CFAP47: variants seen among roughly 807,000 people sequenced by gnomAD.
CFAP47 encodes cilia- and flagella-associated protein 47.
CFAP47 carries 29 observed loss-of-function variants against 148.1 expected under a neutral mutation model. That is an observed-to-expected ratio of 0.20 (90% CI 0.15 to 0.27). The LOEUF (loss-of-function observed/expected upper bound fraction) is 0.27. Among genes scored for constraint, CFAP47 ranks in the 10% least tolerant of loss-of-function variants. The pLI, the probability that CFAP47 is intolerant of heterozygous loss-of-function variation, is 1.00. For missense variants in CFAP47, 1,872 were observed against 1,697.5 expected (o/e 1.10, Z -1.81); for synonymous variants, 664 against 577.3 (o/e 1.15, Z -2.15).
chrX:36,154,193 T>G (rs9942990), intron 37 of CFAP47, among the ~76,000 whole-genome samples: 4,097 of 112,233 alleles, frequency 0.037, 111 homozygotes, highest in African/African-American at 0.087. Flanking sequence ...ATTCTGTTTT[T>G]AAATCATTTC....
chrX:36,124,885 T>C (rs1377912155), intron 33 of CFAP47, among the ~76,000 whole-genome samples: 1 of 111,239 alleles, frequency 9.0e-6, no homozygotes. Flanking sequence ...TATTTTAAAA[T>C]TTTAGGAATA....
intron 62 of CFAP47, chrX:36,374,721 T>C: frequency 2.4e-6 from 1 of 413,315 alleles, no homozygotes; most frequent in Non-Finnish European, 4.1e-6. Context: ...TTTTGTTGTG[T>C]TTTCATTTCC....
At chrX:36,186,396 TA>T (rs1939807044) in intron 40 of CFAP47, among the ~76,000 whole-genome samples, 1 of 111,757 alleles carries the variant, frequency 8.9e-6, no homozygotes, top group South Asian at 3.8e-4. Context: ...ATTTCATTTT[TA>T]CTTGCCTCTA....
At chrX:36,118,623 G>A (rs1353776925) in intron 33 of CFAP47, among the ~76,000 whole-genome samples, 4 of 109,929 alleles carry the variant, frequency 3.6e-5, no homozygotes, top group African/African-American at 6.6e-5. Flanking sequence ...GCAGGCACCC[G>A]CCACCATGCC....
At chrX:35,987,294 A>G (rs1936729586) in intron 15 of CFAP47, among the ~76,000 whole-genome samples, 1 of 111,759 alleles carries the variant, frequency 8.9e-6, no homozygotes, top group African/African-American at 3.3e-5. Context: ...CATTTCCTTC[A>G]GAGATGCTCG....
At chrX:36,035,664 A>G (rs1191779333) in intron 23 of CFAP47, 31 bp from the exon 24 acceptor site, 6 of 291,594 alleles carry the variant, frequency 2.1e-5, no homozygotes, top group African/African-American at 1.7e-4. Context: ...ATAATTTTAA[A>G]CTTTTTTTGT....
intron 21 of CFAP47, among the ~76,000 whole-genome samples, chrX:36,013,239 C>CT (rs1346679714): frequency 1.8e-5 from 2 of 111,102 alleles, no homozygotes; most frequent in Non-Finnish European, 3.8e-5. Context: ...ACCACATATT[C>CT]TTTTTTTGAA....
chrX:36,275,043 A>C (rs1940999539), intron 49 of CFAP47, among the ~76,000 whole-genome samples: 1 of 111,482 alleles, frequency 9.0e-6, no homozygotes, highest in South Asian at 3.7e-4. Flanking sequence ...TTTTAATCAT[A>C]AAAGGGTGTT....
intron 49 of CFAP47, among the ~76,000 whole-genome samples, chrX:36,257,041 G>T (rs990013268): frequency 1.8e-5 from 2 of 112,379 alleles, no homozygotes; most frequent in Admixed American, 9.4e-5. Context: ...GTTAACTAGT[G>T]CAGTTGATTT....
At chrX:36,374,746 AT>A (rs782319780) in intron 62 of CFAP47, 635 of 470,687 alleles carry the variant, frequency 1.3e-3, no homozygotes, top group Admixed American at 3.4e-3. Flanking sequence ...GTCTCAATAT[AT>A]TTTTTTTTCC....
At chrX:35,935,646 C>T (rs1258327350) in intron 2 of CFAP47, among the ~76,000 whole-genome samples, 1 of 107,729 alleles carries the variant, frequency 9.3e-6, no homozygotes, top group African/African-American at 3.4e-5. Flanking sequence ...AGCCTTCTTC[C>T]TCTGCCCACT....
chrX:35,924,560 C>T (rs747125389), intron 1 of CFAP47, among the ~76,000 whole-genome samples: 7 of 103,710 alleles, frequency 6.7e-5, no homozygotes, highest in East Asian at 3.1e-4. Flanking sequence ...TGTATATATG[C>T]GCATATATGT....
In CFAP47 at chrX:35,959,116, G is replaced by C. The variant is rs1376530454; in HGVS notation, c.1410+2920G>C. Reference sequence around the variant, plus strand: ...GATTTTCATCCTGTGTTAGGCTTCTGACAAGTGTAAGATAAGAAATTGAGT... The same window carrying C: ...GATTTTCATCCTGTGTTAGGCTTCTCACAAGTGTAAGATAAGAAATTGAGT... On this transcript the variant is annotated intron_variant, in intron 8 of 63. Coordinates refer to ENST00000378653, the MANE Select transcript of CFAP47 (RefSeq NM_001304548.2). Among the ~76,000 whole-genome samples the C allele has an allele frequency of 6.2e-5, 7 of 112,382 alleles. No homozygotes were observed. The East Asian group carries it at 2.0e-3, about 32-fold the overall frequency.
At chrX:36,084,545 C>T (rs988216643) in intron 29 of CFAP47, among the ~76,000 whole-genome samples, 1 of 111,464 alleles carries the variant, frequency 9.0e-6, no homozygotes, top group Admixed American at 9.6e-5. Context: ...AAAATGGCCT[C>T]GGGTACTTAT....
intron 46 of CFAP47, among the ~76,000 whole-genome samples, chrX:36,233,499 T>C (rs1940401942): frequency 9.0e-6 from 1 of 111,517 alleles, no homozygotes; most frequent in Middle Eastern, 4.6e-3. Flanking sequence ...ATTTTGAGCC[T>C]ATGTGTGTCT....
intron 42 of CFAP47, among the ~76,000 whole-genome samples, chrX:36,197,216 T>C (rs782524398): frequency 2.7e-5 from 3 of 112,106 alleles, no homozygotes; most frequent in Non-Finnish European, 3.8e-5. Flanking sequence ...TCCTAGTTAA[T>C]AATATTTTAA....
intron 44 of CFAP47, among the ~76,000 whole-genome samples, chrX:36,204,016 T>A (rs1425146441): frequency 8.9e-6 from 1 of 111,966 alleles, no homozygotes; most frequent in Non-Finnish European, 1.9e-5. Context: ...GATGAGCATT[T>A]TTTCATGTGT....
At chrX:36,220,364 A>G (rs1048707495) in intron 45 of CFAP47, among the ~76,000 whole-genome samples, 37 of 111,151 alleles carry the variant, frequency 3.3e-4, no homozygotes, top group African/African-American at 1.1e-3. Context: ...CATTTCAGAT[A>G]AGGAATACTC....
At chrX:36,118,098 A>G (rs1938672805) in intron 33 of CFAP47, among the ~76,000 whole-genome samples, 1 of 111,657 alleles carries the variant, frequency 9.0e-6, no homozygotes, top group South Asian at 3.7e-4. Flanking sequence ...CCCTTGGACT[A>G]TGTGTCAGTT....
Sources: allele counts gnomAD v4.1 joint callset (sites outside exome capture counted in the v4.1 genomes callset), GRCh38; gene constraint gnomAD v4.1.1; transcripts MANE v1.5; gene names NCBI Gene and HGNC (gene_info 2026-07-23, HGNC 2026-07-21).